ZNF436: variants seen among roughly 807,000 people sequenced by gnomAD.
ZNF436 encodes DNA-binding protein.
ZNF436 carries 22 observed loss-of-function variants against 41.9 expected under a neutral mutation model. The ratio of observed to expected loss-of-function variants is 0.53; its 90% CI spans 0.38 to 0.75. The LOEUF is 0.75. Among genes scored for constraint, ZNF436 ranks in the 30% least tolerant of loss-of-function variants. The probability of loss-of-function intolerance (pLI) is 0.00; values close to 1 mark genes in which losing one functional copy is unlikely to be tolerated. For missense variants in ZNF436, 506 were observed against 587.3 expected, an observed-to-expected ratio of 0.86 and a Z score of 1.43; for synonymous variants, 217 against 197.8, an observed-to-expected ratio of 1.10 and a Z score of -0.82.
rs1275779131 is a variant in ZNF436 at position 23,366,941 on chromosome 1, T to C, written c.160+101A>G. The C allele has an allele frequency of 3.8e-6, 5 of 1,325,884 alleles. No individual in the cohort carries two copies. The African/African-American group carries it at 7.4e-5, about 20-fold the overall frequency. The allele number at this position is 1,325,884 out of a possible 1,614,324, so 82.1% of individuals were successfully genotyped here. On this transcript the variant is annotated intron_variant, in intron 3 of 3. Transcript: ENST00000314011. ...CAAGTCAAGCCAATATCCAATTAAG[T>C]GCTTTAAAAAATCAAACCACTAGGC... is the stretch of plus-strand genomic sequence containing the variant.
chr1:23,365,966 T>C (rs993916925), intron 3 of ZNF436, among the ~76,000 whole-genome samples: 5 of 149,676 alleles, frequency 3.3e-5, no homozygotes, highest in Admixed American at 2.0e-4. Flanking sequence ...CCCATTCCCA[T>C]TCCCAAACTT....
At chr1:23,366,888 C>T (rs879782269) in intron 3 of ZNF436, among the ~76,000 whole-genome samples, 154 bp downstream of exon 3, 2 of 152,146 alleles carry the variant, frequency 1.3e-5, no homozygotes, top group Non-Finnish European at 2.9e-5. Context: ...CCTGGATGTT[C>T]CCATATTCAA....
chr1:23,369,594 A>G lies in ZNF436; in HGVS notation c.-289T>C. 1.9e-6 allele frequency: 1 copy of G among 531,630 alleles called. No homozygotes were observed. Among genetic ancestry groups the G allele is most frequent in the South Asian group, 1.4e-5 (1 of 71,532 alleles). 32.9% of individuals were successfully genotyped at this position (531,630 alleles called of 1,614,324 possible). A position where few individuals can be genotyped will look rare whatever the true frequency, so the allele number is the denominator to read the frequency against. On this transcript the variant is annotated 5_prime_UTR_variant, in exon 1 of 4. An upstream open reading frame in the 5' UTR loses its in-frame stop. Transcript: ENST00000314011. ...TAAAGACTCAGATTCCCGAGGCCTC[A>G]GACTCGCAGGCAGCTCAGAAACCAC...
chr1:23,366,942 GC>G (rs1638371917), intron 3 of ZNF436, 99 bp downstream of exon 3: 3 of 1,335,836 alleles, frequency 2.2e-6, no homozygotes, highest in Non-Finnish European at 2.0e-6. Flanking sequence ...CCAATTAAGT[GC>G]TTTAAAAAAT....
chr1:23,364,238 GT>G (rs1638308344), intron 3 of ZNF436, among the ~76,000 whole-genome samples: 1 of 152,006 alleles, frequency 6.6e-6, no homozygotes, highest in Non-Finnish European at 1.5e-5. Context: ...TTGTTTGTTT[GT>G]TTTGTTTTGT....
At chr1:23,368,231 G>A in intron 1 of ZNF436, 166 bp from the exon 2 acceptor site, 1 of 578,546 alleles carries the variant, frequency 1.7e-6, no homozygotes, top group Admixed American at 3.2e-5. Context: ...CTCCGCCACA[G>A]CGGGGTGGAG....
chr1:23,362,466 A>G lies in ZNF436; in HGVS notation c.916T>C (p.Tyr306His). 6.2e-7 allele frequency: 1 copy of G among 1,614,000 alleles called. No individual in the cohort carries two copies. Among genetic ancestry groups the G allele is most frequent in the South Asian group, 1.1e-5 (1 of 91,088 alleles). The change falls in exon 4 of 4, where the codon TAC becomes CAC. Residue 306 changes from tyrosine (Y) to histidine (H), a missense_variant. By Grantham distance (83) the Tyr-to-His change is moderately conservative. Around this residue, in one of 2 missense-constraint regions of ZNF436, gnomAD observed 278 missense variants for 372.1 expected, o/e 0.75. Coordinates refer to ENST00000314011, the MANE Select transcript of ZNF436 (RefSeq NM_001077195.2). The stretch of plus-strand genomic sequence containing the variant: ...TTCTTCCCACACTCATCACACTTGT[A>G]GGGCCTCTCCCCTGTGTGGACTCGA... ...HYRVHTGERP[Y>H]KCDECGKNFS...
intron 3 of ZNF436, among the ~76,000 whole-genome samples, chr1:23,365,947 A>G (rs903813709): frequency 8.0e-5 from 12 of 149,382 alleles, no homozygotes; most frequent in Non-Finnish European, 1.3e-4. Flanking sequence ...CCTTGTAATC[A>G]TTTTTAAACC....
chr1:23,361,979 T>A lies in ZNF436; in HGVS notation c.1403A>T (p.His468Leu). 2.5e-6 allele frequency: 4 copies of A among 1,595,008 alleles called. No individual in the cohort carries two copies. The highest frequency in any genetic ancestry group is 3.4e-6 in the Non-Finnish European group (4 of 1,170,994). ...SSALIKHKRV[H>L]TD Reference sequence around the variant, plus strand: ...CATCATAATTACAGCTTAGTCCGTATGAACTCTCTTATGTTTAATAAGAGC... The same window carrying A: ...CATCATAATTACAGCTTAGTCCGTAAGAACTCTCTTATGTTTAATAAGAGC... Residue 468 changes from histidine to leucine, a missense_variant, in exon 4 of 4, where the codon CAT becomes CTT. His to Leu is a moderately conservative substitution (Grantham distance 99). This residue lies in a region of ZNF436 where 278 missense variants were observed against 372.1 expected (regional missense o/e 0.75). Transcript: ENST00000314011.
chr1:23,365,488 C>T (rs1381778319), intron 3 of ZNF436, among the ~76,000 whole-genome samples: 3 of 151,778 alleles, frequency 2.0e-5, no homozygotes, highest in South Asian at 2.1e-4. Flanking sequence ...CCGAGGTGGG[C>T]GGATCACTTG....
chr1:23,367,833 T>TA, intron 2 of ZNF436, 140 bp downstream of exon 2: 1 of 870,562 alleles, frequency 1.1e-6, no homozygotes, highest in East Asian at 2.5e-5. Context: ...ACTGGCCTGG[T>TA]ACTAGGCCCC....
Position 23,361,753 on chromosome 1 carries a change from T to C in ZNF436, c.*216A>G, listed in dbSNP as rs1424438613. 4.3e-6 allele frequency: 2 copies of C among 460,826 alleles called. No homozygotes were observed. The highest frequency in any genetic ancestry group is 7.6e-6 in the Non-Finnish European group (2 of 263,150). 28.5% of individuals were successfully genotyped at this position (460,826 alleles called of 1,614,324 possible). A position where few individuals can be genotyped will look rare whatever the true frequency, so the allele number is the denominator to read the frequency against. Reference sequence around the variant, plus strand: ...ACTTGTGGGGCTGCTTTTAATGAAGTAACCCATTGAGTGAATAAAAATCAC... The same window carrying C: ...ACTTGTGGGGCTGCTTTTAATGAAGCAACCCATTGAGTGAATAAAAATCAC... On this transcript the variant is annotated 3_prime_UTR_variant, in exon 4 of 4. Coordinates refer to ENST00000314011, the MANE Select transcript of ZNF436 (RefSeq NM_001077195.2).
chr1:23,365,788 C>T (rs1052520596), intron 3 of ZNF436, among the ~76,000 whole-genome samples: 6 of 151,356 alleles, frequency 4.0e-5, no homozygotes, highest in East Asian at 1.9e-4. Flanking sequence ...CAAGGTGGTA[C>T]GCATCTGTGA....
chr1:23,360,467 T>C lies in ZNF436; in HGVS notation c.*1502A>G, dbSNP rs1646986688. 1 of 152,226 alleles carries C rather than the reference T, an allele frequency of 6.6e-6. No homozygotes were observed. The highest frequency in any genetic ancestry group is 2.4e-5 in the African/African-American group (1 of 41,460). The allele number at this position is 152,226 out of a possible 1,614,324, so 9.4% of individuals were successfully genotyped here. On this transcript the variant is annotated 3_prime_UTR_variant, in exon 4 of 4. Coordinates refer to ENST00000314011, the MANE Select transcript of ZNF436 (RefSeq NM_001077195.2). ...CAATTCCCTTCCACCCCAACATGCT[T>C]GGATAGCATCAACACTTGAGATATT...
In ZNF436 at chr1:23,362,490, G is replaced by A. The variant is rs1244514187; in HGVS notation, c.892C>T (p.Arg298Ter). The change falls in exon 4 of 4, where the codon CGA becomes TGA. Residue 298 changes from arginine to a stop codon, truncating the protein, a stop_gained. Transcript: ENST00000314011. LOFTEE classifies it high-confidence loss of function. ...TAGGGCCTCTCCCCTGTGTGGACTC[G>A]ATAGTGTTTGATGAGATCAGATCTC... ...SERSDLIKHY[R>*]VHTGERPYKC... The A allele has an allele frequency of 2.5e-6, 4 of 1,612,938 alleles. No individual in the cohort carries two copies. Among genetic ancestry groups the A allele is most frequent in the Non-Finnish European group, 3.4e-6 (4 of 1,179,788 alleles).
rs116792261 is a variant in ZNF436 at position 23,366,122 on chromosome 1, T to C, written c.160+920A>G. Among the ~76,000 whole-genome samples, 264 of 152,300 alleles carry C rather than the reference T, an allele frequency of 1.7e-3. 1 individual carries two copies. Among genetic ancestry groups the C allele is most frequent in the African/African-American group, 6.1e-3 (253 of 41,574 alleles). ...TCAGTGGAATATTTGGGTTACAGAC[T>C]GCAATAGATCTGGATAGATAACTAT... On this transcript the variant is annotated intron_variant, in intron 3 of 3. Coordinates refer to ENST00000314011, the MANE Select transcript of ZNF436 (RefSeq NM_001077195.2).
At chr1:23,365,226 TA>T (rs35853590) in intron 3 of ZNF436, among the ~76,000 whole-genome samples, 79 of 137,046 alleles carry the variant, frequency 5.8e-4, no homozygotes, top group East Asian at 6.3e-4. Context: ...ACCCCATCTC[TA>T]AAAAAAAAAA....
chr1:23,367,118 C>T lies in ZNF436; in HGVS notation c.84G>A (p.Trp28Ter). 1 of 1,613,464 alleles carries T rather than the reference C, an allele frequency of 6.2e-7. No individual in the cohort carries two copies. Among genetic ancestry groups the T allele is most frequent in the Non-Finnish European group, 8.5e-7 (1 of 1,179,668 alleles). The change falls in exon 3 of 4, where the codon TGG becomes TGA. Residue 28 changes from tryptophan to a stop codon, truncating the protein, a stop_gained. Transcript: ENST00000314011. LOFTEE classifies it high-confidence loss of function. ...DMAMYLTREE[W>*]RPLDAAQRDL... Reference sequence around the variant, plus strand: ...CCCTCTGTGCAGCGTCCAGAGGTCTCCATTCTTCCCGGGTGAGATACATGG... The same window carrying T: ...CCCTCTGTGCAGCGTCCAGAGGTCTTCATTCTTCCCGGGTGAGATACATGG...
rs756072929 is a variant in ZNF436, at chr1:23,368,042, A to C, written c.-37T>G. 3.1e-6 allele frequency: 5 copies of C among 1,613,602 alleles called. No individual in the cohort carries two copies. In the African/African-American group the frequency reaches 6.7e-5, roughly 22 times the overall value. ...GGGTTCGCCTCCAGGGAGAGAGAGC[A>C]GGAAAAGCAGCTAGCAGACAGCGCT... On this transcript the variant is annotated 5_prime_UTR_variant, in exon 2 of 4. Transcript: ENST00000314011.
Sources: gnomAD v4.1 joint callset for allele counts (sites outside exome capture counted in the v4.1 genomes callset) on GRCh38, gnomAD v4.1.1 for gene constraint, gnomAD v4.1.1 regional missense constraint, MANE v1.5 for transcripts, NCBI Gene and HGNC (gene_info 2026-07-23, HGNC 2026-07-21) for gene names.